PCDH11X: variants seen among roughly 807,000 people sequenced by gnomAD.
PCDH11X encodes protocadherin-11 X-linked.
PCDH11X carries 18 observed loss-of-function variants against 53.3 expected under a neutral mutation model. That is an observed-to-expected ratio of 0.34 (90% CI 0.23 to 0.50). PCDH11X has a LOEUF of 0.50. Among genes scored for constraint, PCDH11X ranks in the 20% least tolerant of loss-of-function variants. PCDH11X has a pLI of 0.98. For synonymous variants in PCDH11X, 279 were observed against 393.3 expected, an observed-to-expected ratio of 0.71 and a Z score of 3.44; for missense variants, 570 against 1,032.4, an observed-to-expected ratio of 0.55 and a Z score of 6.14.
chrX:92,002,748 G>T lies in PCDH11X; in HGVS notation c.3033+123475G>T, dbSNP rs1355026101. The stretch of plus-strand genomic sequence containing the variant: ...TTTTTGTATGTTGATTTTGTATCCT[G>T]CAACTTTACTGAATATTTTTATCAC... On this transcript the variant is annotated intron_variant, in intron 6 of 10. Coordinates refer to ENST00000682573, the MANE Select transcript of PCDH11X (RefSeq NM_032968.5). 1.5e-4 allele frequency among the ~76,000 whole-genome samples: 16 copies of T among 107,661 alleles called. No individual in the cohort carries two copies. The East Asian group carries it at 4.8e-3, about 32-fold the overall frequency. The allele number at this position is 107,661 out of a possible 115,157, so 93.5% of individuals were successfully genotyped here. A position where few individuals can be genotyped will look rare whatever the true frequency, so the allele number is the denominator to read the frequency against.
chrX:92,217,774 C>T (rs1190151008), intron 7 of PCDH11X, among the ~76,000 whole-genome samples: 1 of 111,429 alleles, frequency 9.0e-6, no homozygotes, highest in Admixed American at 9.6e-5. Flanking sequence ...CACACCACAA[C>T]TCTTCCAAAA....
chrX:92,465,037 T>C (rs1210862729), intron 9 of PCDH11X, among the ~76,000 whole-genome samples: 2 of 110,873 alleles, frequency 1.8e-5, no homozygotes, highest in Non-Finnish European at 3.8e-5. Flanking sequence ...CATAGGCCTG[T>C]AGTCCTAGCT....
chrX:91,824,417 C>G (rs1204986805), intron 4 of PCDH11X, among the ~76,000 whole-genome samples: 1 of 110,591 alleles, frequency 9.0e-6, no homozygotes, highest in Non-Finnish European at 1.9e-5. Flanking sequence ...CACTTCATTT[C>G]ATTCATTTCA....
rs756268399 is a variant in PCDH11X, at chrX:92,356,114, G to A, written c.3145-31621G>A. On this transcript the variant is annotated intron_variant, in intron 8 of 10. Transcript: ENST00000682573. ...GGAATCCTAGGAGATAATTTGGAGA[G>A]CGAAGCAAAAGTTATAACATTTGTT... is the stretch of plus-strand genomic sequence containing the variant. 1.2e-3 allele frequency among the ~76,000 whole-genome samples: 134 copies of A among 111,661 alleles called. 2 individuals are homozygous for A. The highest frequency in any genetic ancestry group is 4.1e-3 in the African/African-American group (126 of 30,765).
intron 10 of PCDH11X, among the ~76,000 whole-genome samples, chrX:92,542,070 C>T (rs2074768265): frequency 9.0e-6 from 1 of 111,706 alleles, no homozygotes; most frequent in South Asian, 3.7e-4. Flanking sequence ...CAGTTTATTT[C>T]AAATGTACTT....
chrX:92,417,615 T>C (rs1431682434), intron 9 of PCDH11X, among the ~76,000 whole-genome samples: 2 of 111,130 alleles, frequency 1.8e-5, no homozygotes, highest in Non-Finnish European at 3.8e-5. Flanking sequence ...CTAATACACA[T>C]GTAATTTTTG....
chrX:92,263,132 G>T lies in PCDH11X; in HGVS notation c.3133G>T (p.Val1045Leu). ...PQPQRKSEGK[V>L]AGKSQRRVTF... is the part of the protein sequence containing the mutation. ...AAATCAGCGGAAATCTGAAGGGAAA[G>T]TGGCAGGAAAGGTAAGACTGCAAAT... The change falls in exon 8 of 11, where the codon GTG becomes TTG. Residue 1045 changes from valine to leucine, a missense_variant. Val to Leu is a conservative substitution (Grantham distance 32). This residue lies in a region of PCDH11X where 234 missense variants were observed against 296.1 expected (regional missense o/e 0.79). Transcript: ENST00000682573. 1 of 1,185,603 alleles carries T rather than the reference G, an allele frequency of 8.4e-7. No homozygotes were observed. Among genetic ancestry groups the T allele is most frequent in the East Asian group, 3.0e-5 (1 of 33,209 alleles).
intron 6 of PCDH11X, among the ~76,000 whole-genome samples, chrX:92,019,309 G>A (rs769381429): frequency 9.2e-6 from 1 of 109,110 alleles, no homozygotes; most frequent in Admixed American, 1.0e-4. Context: ...ACATCATTGA[G>A]GCAGAACATT....
intron 6 of PCDH11X, among the ~76,000 whole-genome samples, chrX:91,984,923 C>A (rs2062205047): frequency 9.0e-6 from 1 of 111,494 alleles, no homozygotes; most frequent in African/African-American, 3.3e-5. Flanking sequence ...GCCTTGTGCT[C>A]TTTCCTTGCA....
intron 8 of PCDH11X, among the ~76,000 whole-genome samples, chrX:92,281,514 T>C (rs2068251398): frequency 8.9e-6 from 1 of 112,439 alleles, no homozygotes; most frequent in South Asian, 3.6e-4. Flanking sequence ...ATGATTAATA[T>C]AAACTAGTCA....
intron 4 of PCDH11X, among the ~76,000 whole-genome samples, chrX:91,827,511 C>A (rs1463487135): frequency 9.1e-6 from 1 of 109,895 alleles, no homozygotes; most frequent in African/African-American, 3.3e-5. Flanking sequence ...TTGGCATGTT[C>A]ATCATGAAAT....
In PCDH11X at chrX:91,828,932, T is replaced by G. The variant is rs1231668642; in HGVS notation, c.-44-6529T>G. ...CTTGGATCTTGTTTTTAGCCATCACTTCCAAGATTCTAGTGCTATATCTCA... is the reference window on the plus strand; with the variant it reads ...CTTGGATCTTGTTTTTAGCCATCACGTCCAAGATTCTAGTGCTATATCTCA... On this transcript the variant is annotated intron_variant, in intron 4 of 10. Transcript: ENST00000682573. Among the ~76,000 whole-genome samples the G allele has an allele frequency of 3.6e-5, 4 of 110,730 alleles. No homozygotes were observed. The East Asian group carries it at 1.1e-3, about 31-fold the overall frequency.
At position 92,375,446 on chromosome X, in the gene PCDH11X, G is replaced by A. The variant is rs1307460410; in HGVS notation, c.3145-12289G>A. On this transcript the variant is annotated intron_variant, in intron 8 of 10. Transcript: ENST00000682573. ...ACCCTCCTCGGCCTCCCAAAGTGCTGGGATTACAGGTGTGAGCCACCGAAC... is the reference window on the plus strand; with the variant it reads ...ACCCTCCTCGGCCTCCCAAAGTGCTAGGATTACAGGTGTGAGCCACCGAAC... Among the ~76,000 whole-genome samples the A allele has an allele frequency of 2.4e-4, 24 of 99,991 alleles. 1 individual carries two copies. The highest frequency in any genetic ancestry group is 2.4e-4 in the Non-Finnish European group (12 of 49,721). 86.8% of individuals were successfully genotyped at this position (99,991 alleles called of 115,157 possible).
intron 6 of PCDH11X, among the ~76,000 whole-genome samples, chrX:92,130,365 G>T (rs2064949343): frequency 2.7e-5 from 3 of 110,695 alleles, no homozygotes; most frequent in South Asian, 3.8e-4. Context: ...TTATTATTGA[G>T]GCCGGGCACG....
chrX:91,919,901 C>T (rs1177423325), intron 6 of PCDH11X, among the ~76,000 whole-genome samples: 3 of 111,441 alleles, frequency 2.7e-5, no homozygotes, highest in Non-Finnish European at 5.7e-5. Context: ...CATAAATTAA[C>T]GTTCAGATAT....
Position 92,401,847 on chromosome X carries a change from G to A in PCDH11X, c.3343+13914G>A, listed in dbSNP as rs989104271. Among the ~76,000 whole-genome samples, 46 of 112,105 alleles carry A rather than the reference G, an allele frequency of 4.1e-4. 1 individual carries two copies. Among genetic ancestry groups the A allele is most frequent in the African/African-American group, 1.5e-3 (46 of 30,924 alleles). On this transcript the variant is annotated intron_variant, in intron 9 of 10. Transcript: ENST00000682573. The stretch of plus-strand genomic sequence containing the variant: ...TGGATCAAATGATAACGCTTCATTT[G>A]TATTCTGCTTTTTTGTCCTTGAATC...
At chrX:92,530,290 C>CCCTTG (rs1457977289) in intron 10 of PCDH11X, among the ~76,000 whole-genome samples, 1 of 103,489 alleles carries the variant, frequency 9.7e-6, no homozygotes. Context: ...CAGCTGGATT[C>CCCTTG]CCTTGCTCTT....
rs754447916 is a variant in PCDH11X at position 92,512,182 on chromosome X, A to C, written c.3367+43860A>C. On this transcript the variant is annotated intron_variant, in intron 10 of 10. Coordinates refer to ENST00000682573, the MANE Select transcript of PCDH11X (RefSeq NM_032968.5). ...TACTGTCATAATAGTCTCTTTCTCTAAGGCACCAGCATATTAATGCACACA... is the reference window on the plus strand; with the variant it reads ...TACTGTCATAATAGTCTCTTTCTCTCAGGCACCAGCATATTAATGCACACA... Among the ~76,000 whole-genome samples, 96 of 108,747 alleles carry C rather than the reference A, an allele frequency of 8.8e-4. 1 individual carries two copies. The highest frequency in any genetic ancestry group is 3.2e-3 in the African/African-American group (95 of 29,935). 94.4% of individuals were successfully genotyped at this position (108,747 alleles called of 115,157 possible).
At chrX:92,268,317 G>A (rs1158183772) in intron 8 of PCDH11X, among the ~76,000 whole-genome samples, 1 of 108,662 alleles carries the variant, frequency 9.2e-6, no homozygotes, top group East Asian at 2.9e-4. Context: ...TTTTAAGACA[G>A]AGTCTCACTC....
Sources: gnomAD v4.1 joint callset for allele counts (sites outside exome capture counted in the v4.1 genomes callset) on GRCh38, gnomAD v4.1.1 for gene constraint, gnomAD v4.1.1 regional missense constraint, MANE v1.5 for transcripts, NCBI Gene and HGNC (gene_info 2026-07-23, HGNC 2026-07-21) for gene names.